Variants in SDF2 observed in about 807,000 individuals in gnomAD.
SDF2 encodes the protein stromal cell derived factor 2, also known as stromal cell-derived factor 2.
A neutral mutation model predicts 20.5 loss-of-function variants in SDF2; 12 were observed. The ratio of observed to expected loss-of-function variants is 0.58; its 90% CI spans 0.37 to 0.95. The LOEUF (loss-of-function observed/expected upper bound fraction) is 0.95. SDF2 is among the 40% of genes least tolerant of loss of function. SDF2 has a pLI of 0.01. For missense variants in SDF2, 238 were observed against 263.1 expected (o/e 0.90, Z 0.66); for synonymous variants, 100 against 101.0 (o/e 0.99, Z 0.06).
chr17:28,650,048 G>T (rs539265551), intron 2 of SDF2, among the ~76,000 whole-genome samples: 5 of 151,974 alleles, frequency 3.3e-5, no homozygotes, highest in Non-Finnish European at 7.4e-5. Flanking sequence ...CGCCTCCCAG[G>T]TTCAAGTGAT....
chr17:28,660,098 G>A (rs1265904739), intron 1 of SDF2, among the ~76,000 whole-genome samples: 1 of 152,218 alleles, frequency 6.6e-6, no homozygotes, highest in East Asian at 1.9e-4. Flanking sequence ...AACCAGTCAG[G>A]CATGGCGGCG....
At chr17:28,653,811 A>AAAAACAAAAC (rs546437331) in intron 2 of SDF2, among the ~76,000 whole-genome samples, 1 of 152,186 alleles carries the variant, frequency 6.6e-6, no homozygotes, top group South Asian at 2.1e-4. Context: ...CTCTGTCTCA[A>AAAAACAAAAC]AAAACAAAAC....
chr17:28,654,815 G>T (rs1186041966), intron 2 of SDF2, among the ~76,000 whole-genome samples: 2 of 152,106 alleles, frequency 1.3e-5, no homozygotes, highest in African/African-American at 4.8e-5. Context: ...AATTAGCCAG[G>T]TGTGGTGGCA....
rs113112182 is a variant in SDF2, at chr17:28,659,511, A to G, written c.151+2215T>C. The stretch of plus-strand genomic sequence containing the variant: ...GCTCCTCACCTCCCAGATAATGGGC[A>G]GCCCACTTCCCAGATGGGGTGGCAG... On this transcript the variant is annotated intron_variant, in intron 1 of 2. Coordinates refer to ENST00000247020, the MANE Select transcript of SDF2 (RefSeq NM_006923.4). 2.4e-3 allele frequency among the ~76,000 whole-genome samples: 321 copies of G among 132,704 alleles called. 3 individuals are homozygous for G. The highest frequency in any genetic ancestry group is 8.3e-3 in the African/African-American group (285 of 34,354). The allele number at this position is 132,704 out of a possible 152,430, so 87.1% of individuals were successfully genotyped here. A position where few individuals can be genotyped will look rare whatever the true frequency, so the allele number is the denominator to read the frequency against.
intron 1 of SDF2, among the ~76,000 whole-genome samples, chr17:28,659,560 C>A (rs1359156377): frequency 1.4e-5 from 2 of 147,174 alleles, no homozygotes; most frequent in African/African-American, 5.1e-5. Context: ...CTCCTCACAT[C>A]CCAGATGGCG....
chr17:28,661,659 A>G (rs2072046459), intron 1 of SDF2, 67 bp downstream of exon 1: 3 of 1,535,876 alleles, frequency 2.0e-6, no homozygotes, highest in Non-Finnish European at 1.8e-6. Context: ...CAGATATTCT[A>G]TAGGCCCCGC....
intron 1 of SDF2, among the ~76,000 whole-genome samples, chr17:28,659,996 C>T (rs1217219110): frequency 3.3e-5 from 5 of 152,204 alleles, no homozygotes; most frequent in East Asian, 1.9e-4. Flanking sequence ...CCCAGCACCT[C>T]GGGAGGCTGA....
chr17:28,651,781 T>A (rs935396953), intron 2 of SDF2, among the ~76,000 whole-genome samples: 3 of 120,362 alleles, frequency 2.5e-5, no homozygotes, highest in Non-Finnish European at 3.6e-5. Context: ...ATTTCAGAAG[T>A]GTGTGTGTGT....
At chr17:28,662,149 G>C (rs1033722103), upstream of SDF2, 2 of 364,892 alleles carry the variant, frequency 5.5e-6, no homozygotes, top group South Asian at 8.7e-5. Flanking sequence ...GCGGGAGAGA[G>C]AACAAGAAAT....
At chr17:28,654,717 C>T (rs2071942489) in intron 2 of SDF2, among the ~76,000 whole-genome samples, 3 of 151,488 alleles carry the variant, frequency 2.0e-5, no homozygotes, top group Admixed American at 6.6e-5. Flanking sequence ...TTTGGGAGGC[C>T]GAAGTGGGCA....
At chr17:28,658,972 C>T (rs2071993673) in intron 1 of SDF2, among the ~76,000 whole-genome samples, 1 of 147,910 alleles carries the variant, frequency 6.8e-6, no homozygotes, top group East Asian at 2.0e-4. Context: ...CCTCACATCC[C>T]AGACGATGGG....
At chr17:28,662,149 G>A, upstream of SDF2, 1 of 364,892 alleles carries the variant, frequency 2.7e-6, no homozygotes. Context: ...GCGGGAGAGA[G>A]AACAAGAAAT....
At chr17:28,652,446 G>C (rs1039341064) in intron 2 of SDF2, among the ~76,000 whole-genome samples, 3 of 152,096 alleles carry the variant, frequency 2.0e-5, no homozygotes, top group Non-Finnish European at 4.4e-5. Flanking sequence ...AAGTAGCTGG[G>C]ATCACAGGCT....
chr17:28,655,298 A>G lies in SDF2; in HGVS notation c.337T>C (p.Ser113Pro). The change falls in exon 2 of 3, where the codon TCT (serine) becomes CCT (proline). Residue 113 changes from serine (S) to proline (P), a missense_variant. Physicochemically the swap from Ser to Pro is moderately conservative, Grantham distance 74. Coordinates refer to ENST00000247020, the MANE Select transcript of SDF2 (RefSeq NM_006923.4). ...LHSHHFTSPLSGNQEVSAFGE... is the reference protein window; with the variant it reads ...LHSHHFTSPLPGNQEVSAFGE... ...GAAAGCCACCTCACCTGGTTTCCAG[A>G]AAGAGGTGAAGTGAAGTGGTGACTA... 5.0e-6 allele frequency: 8 copies of G among 1,614,204 alleles called. No homozygotes were observed. Among genetic ancestry groups the G allele is most frequent in the Non-Finnish European group, 6.8e-6 (8 of 1,180,050 alleles).
In SDF2 at chr17:28,658,257, T is replaced by C. The variant is rs867238300; in HGVS notation, c.152-2774A>G. Among the ~76,000 whole-genome samples, 324 of 152,168 alleles carry C rather than the reference T, an allele frequency of 2.1e-3. 3 individuals carry two copies. Among genetic ancestry groups the C allele is most frequent in the African/African-American group, 7.0e-3 (290 of 41,548 alleles). ...TTCATCTGTTTCTACCTGTAGTTTT[T>C]TTTTTTTTTTTTAGTATTTATTGTT... On this transcript the variant is annotated intron_variant, in intron 1 of 2. Coordinates refer to ENST00000247020, the MANE Select transcript of SDF2 (RefSeq NM_006923.4).
At chr17:28,655,708 A>G in intron 1 of SDF2, 1 of 593,888 alleles carries the variant, frequency 1.7e-6, no homozygotes. Context: ...AAGCTGCCAA[A>G]GCCTTAGACA....
chr17:28,661,751 G>A lies in SDF2; in HGVS notation c.126C>T (p.His42=), dbSNP rs1477147899. 2 of 1,614,008 alleles carry A rather than the reference G, an allele frequency of 1.2e-6. No individual in the cohort carries two copies. The highest frequency in any genetic ancestry group is 3.3e-5 in the Admixed American group (2 of 60,020). The change falls in exon 1 of 3, where the codon CAC becomes CAT. Residue 42 remains histidine, a synonymous_variant. Coordinates refer to ENST00000247020, the MANE Select transcript of SDF2 (RefSeq NM_006923.4). ...LLNTRHNVRL[H]SHDVRYGSGS... The stretch of plus-strand genomic sequence containing the variant: ...CTGACCCATAGCGCACGTCGTGTGA[G>A]TGCAGTCGGACGTTGTGGCGCGTAT...
intron 1 of SDF2, 111 bp downstream of exon 1, chr17:28,661,615 C>T: frequency 8.2e-7 from 1 of 1,215,078 alleles, no homozygotes; most frequent in Non-Finnish European, 1.2e-6. Context: ...AGGAACCTTC[C>T]CAGGGAACCC....
chr17:28,656,010 CA>C (rs113230648), intron 1 of SDF2: 47 of 144,672 alleles, frequency 3.2e-4, no homozygotes, highest in Non-Finnish European at 3.5e-4. Flanking sequence ...ACCCATTCCT[CA>C]AAAAAAAAAA....
Sources: gnomAD v4.1 joint callset for allele counts (sites outside exome capture counted in the v4.1 genomes callset) on GRCh38, gnomAD v4.1.1 for gene constraint, MANE v1.5 for transcripts, NCBI Gene and HGNC (gene_info 2026-07-23, HGNC 2026-07-21) for gene names.